Variants in PKP2 observed in about 807,000 individuals in gnomAD.
PKP2 encodes plakophilin-2.
PKP2 carries 73 observed loss-of-function variants against 83.4 expected under a neutral mutation model. That is an observed-to-expected ratio of 0.88 (90% CI 0.72 to 1.06). The LOEUF is 1.06. Ranked by LOEUF, PKP2 falls within the 50% of genes least tolerant of loss-of-function variation. The probability of loss-of-function intolerance (pLI) is 0.00; values close to 1 mark genes in which losing one functional copy is unlikely to be tolerated. For missense variants in PKP2, 966 were observed against 1,065.4 expected (o/e 0.91, Z 1.30); for synonymous variants, 409 against 430.4 (o/e 0.95, Z 0.62).
chr12:32,806,873 T>G (rs1956230727), intron 9 of PKP2, among the ~76,000 whole-genome samples: 1 of 152,188 alleles, frequency 6.6e-6, no homozygotes, highest in Non-Finnish European at 1.5e-5. Flanking sequence ...AACACTGCTT[T>G]AGCTGTGTCC....
At chr12:32,834,633 C>T (rs568941344) in intron 6 of PKP2, among the ~76,000 whole-genome samples, 3 of 152,040 alleles carry the variant, frequency 2.0e-5, no homozygotes, top group Non-Finnish European at 2.9e-5. Context: ...CCTACCTGAA[C>T]TCTGAGGCAT....
intron 6 of PKP2, among the ~76,000 whole-genome samples, chr12:32,838,459 A>G (rs1956561752): frequency 6.6e-6 from 1 of 150,790 alleles, no homozygotes. Flanking sequence ...AAACCTGTAC[A>G]TGTACTTCCT....
At chr12:32,846,830 GC>G (rs373368272) in intron 5 of PKP2, among the ~76,000 whole-genome samples, 193 of 150,864 alleles carry the variant, frequency 1.3e-3, no homozygotes, top group African/African-American at 4.4e-3. Flanking sequence ...TCAAAGACAA[GC>G]CCCTTCTCAA....
chr12:32,802,553 G>T lies in PKP2; in HGVS notation c.2017C>A (p.Pro673Thr). 5 of 1,613,732 alleles carry T rather than the reference G, an allele frequency of 3.1e-6. No individual in the cohort carries two copies. The highest frequency in any genetic ancestry group is 4.2e-6 in the Non-Finnish European group (5 of 1,179,724). ...QNLTAGSGPM[P>T]TSVAQTVVQK... Reference sequence around the variant, plus strand: ...ACAACTGTCTGAGCCACTGATGTCGGCATCTGTTTTGTGAGACATATCCTA... The same window carrying T: ...ACAACTGTCTGAGCCACTGATGTCGTCATCTGTTTTGTGAGACATATCCTA... Residue 673 changes from proline to threonine, a missense_variant, in exon 10 of 13, where the codon CCG becomes ACG. Transcript: ENST00000340811.
chr12:32,795,456 T>C (rs560806058), intron 11 of PKP2, among the ~76,000 whole-genome samples: 3 of 151,974 alleles, frequency 2.0e-5, no homozygotes, highest in South Asian at 2.1e-4. Flanking sequence ...TCACGGCTCA[T>C]TGCAACCTCT....
chr12:32,835,438 A>G (rs977141670), intron 6 of PKP2, among the ~76,000 whole-genome samples: 32 of 152,178 alleles, frequency 2.1e-4, no homozygotes, highest in Non-Finnish European at 4.3e-4. Flanking sequence ...GATAACTGCA[A>G]TACATATTTT....
intron 1 of PKP2, among the ~76,000 whole-genome samples, chr12:32,896,250 A>C (rs1180493931): frequency 6.6e-6 from 1 of 152,210 alleles, no homozygotes; most frequent in Non-Finnish European, 1.5e-5. Flanking sequence ...GAAAGGGGTG[A>C]AATCTTGAAG....
chr12:32,816,313 C>T (rs1338262165), intron 9 of PKP2, among the ~76,000 whole-genome samples: 8 of 152,120 alleles, frequency 5.3e-5, no homozygotes, highest in East Asian at 1.9e-4. Flanking sequence ...TTAACTCCCA[C>T]GTATAAGTGG....
chr12:32,804,153 C>A (rs1438545411), intron 9 of PKP2, among the ~76,000 whole-genome samples: 1 of 152,146 alleles, frequency 6.6e-6, no homozygotes, highest in Non-Finnish European at 1.5e-5. Context: ...GGTAACTGTC[C>A]ACTGTATTTT....
chr12:32,820,261 T>G (rs1956363606), intron 9 of PKP2: 1 of 152,260 alleles, frequency 6.6e-6, no homozygotes, highest in African/African-American at 2.4e-5. Flanking sequence ...CTTACAATAG[T>G]ACTTTTCTCT....
At chr12:32,861,930 C>T (rs552397640) in intron 4 of PKP2, among the ~76,000 whole-genome samples, 1 of 152,182 alleles carries the variant, frequency 6.6e-6, no homozygotes, top group African/African-American at 2.4e-5. Context: ...GAGAGTCTCA[C>T]TCTGTTGCCC....
chr12:32,860,322 TG>T (rs1956787164), intron 4 of PKP2, among the ~76,000 whole-genome samples: 1 of 152,158 alleles, frequency 6.6e-6, no homozygotes, highest in Non-Finnish European at 1.5e-5. Context: ...AATTAGTACA[TG>T]TGGTATGAGG....
chr12:32,850,740 G>C, intron 5 of PKP2, 26 bp downstream of exon 5: 1 of 1,576,494 alleles, frequency 6.3e-7, no homozygotes, highest in African/African-American at 1.3e-5. Context: ...AATGTGTTAG[G>C]TTCTTCAATG....
At chr12:32,826,446 A>G (rs1475870460) in intron 6 of PKP2, among the ~76,000 whole-genome samples, 1 of 152,166 alleles carries the variant, frequency 6.6e-6, no homozygotes, top group African/African-American at 2.4e-5. Flanking sequence ...AAAAATGGCA[A>G]TTTCATGATT....
intron 9 of PKP2, among the ~76,000 whole-genome samples, chr12:32,804,465 CA>C: frequency 6.6e-6 from 1 of 152,136 alleles, no homozygotes; most frequent in Non-Finnish European, 1.5e-5. Context: ...CCTCATCCCC[CA>C]ACAGGCCCCA....
intron 11 of PKP2, chr12:32,792,997 T>A (rs949198493): frequency 2.4e-6 from 1 of 425,228 alleles, no homozygotes; most frequent in Non-Finnish European, 4.4e-6. Context: ...ACGCCTGTAA[T>A]CCCAGCACTT....
At chr12:32,849,243 T>C (rs1956676242) in intron 5 of PKP2, among the ~76,000 whole-genome samples, 1 of 152,228 alleles carries the variant, frequency 6.6e-6, no homozygotes, top group Admixed American at 6.5e-5. Flanking sequence ...AGATAAGGTC[T>C]CACTCTGTTG....
At chr12:32,801,919 T>C (rs1956183558) in intron 10 of PKP2, among the ~76,000 whole-genome samples, 1 of 152,194 alleles carries the variant, frequency 6.6e-6, no homozygotes, top group African/African-American at 2.4e-5. Context: ...CTTTTTATTG[T>C]GATTATCTGT....
At position 32,802,469 on chromosome 12, in the gene PKP2, C is replaced by A. The variant is rs757159896; in HGVS notation, c.2101G>T (p.Val701Leu). ...AGCAGCGAGATGGCTGTCTTTTTCA[C>A]ACTTGGGTCACCAACATGCAGCATC... ...RKMLHVGDPS[V>L]KKTAISLLRN... is the part of the protein sequence containing the mutation. Residue 701 changes from valine to leucine, a missense_variant, in exon 10 of 13, where the codon GTG (valine) becomes TTG (leucine). Physicochemically the swap from Val to Leu is conservative, Grantham distance 32. Transcript: ENST00000340811. The A allele has an allele frequency of 6.2e-7, 1 of 1,614,118 alleles. No homozygotes were observed. The highest frequency in any genetic ancestry group is 8.5e-7 in the Non-Finnish European group (1 of 1,179,988).
Sources: gnomAD v4.1 joint callset for allele counts (sites outside exome capture counted in the v4.1 genomes callset) on GRCh38, gnomAD v4.1.1 for gene constraint, MANE v1.5 for transcripts, NCBI Gene and HGNC (gene_info 2026-07-23, HGNC 2026-07-21) for gene names.